Variants in KLHL1 observed in about 807,000 individuals in gnomAD.
The protein encoded by KLHL1 is kelch-like protein 1.
Under a neutral mutation model 77.7 loss-of-function variants are expected in KLHL1, and 47 were observed. That is an observed-to-expected ratio of 0.60 (90% confidence interval 0.48 to 0.77). KLHL1 has a LOEUF of 0.77. Among genes scored for constraint, KLHL1 ranks in the 30% least tolerant of loss-of-function variants. The pLI, the probability that KLHL1 is intolerant of heterozygous loss-of-function variation, is 0.00. For missense variants in KLHL1, 925 were observed against 910.8 expected, an observed-to-expected ratio of 1.02 and a Z score of -0.20; for synonymous variants, 360 against 325.2, an observed-to-expected ratio of 1.11 and a Z score of -1.15.
intron 1 of KLHL1, among the ~76,000 whole-genome samples, chr13:70,102,743 T>C (rs1457054692): frequency 6.6e-6 from 1 of 152,226 alleles, no homozygotes; most frequent in Admixed American, 6.5e-5. Context: ...ACCAGAGGGA[T>C]ACATAAATGT....
intron 5 of KLHL1, among the ~76,000 whole-genome samples, chr13:69,840,326 C>A (rs1351782751): frequency 6.6e-6 from 1 of 151,826 alleles, no homozygotes; most frequent in African/African-American, 2.4e-5. Flanking sequence ...CAGGTTCAAG[C>A]AATTCTCCTG....
chr13:69,897,621 C>T (rs1398339765), intron 4 of KLHL1, among the ~76,000 whole-genome samples: 3 of 152,112 alleles, frequency 2.0e-5, no homozygotes, highest in East Asian at 1.9e-4. Context: ...CTCCAGAGTG[C>T]GTTGACTACC....
At chr13:69,718,799 A>C (rs1266823711) in intron 9 of KLHL1, among the ~76,000 whole-genome samples, 1 of 152,150 alleles carries the variant, frequency 6.6e-6, no homozygotes, top group African/African-American at 2.4e-5. Context: ...GGTCAATTTT[A>C]GAAAGAGTTA....
At chr13:69,714,356 G>A (rs1439988938) in intron 9 of KLHL1, among the ~76,000 whole-genome samples, 1 of 152,038 alleles carries the variant, frequency 6.6e-6, no homozygotes, top group Non-Finnish European at 1.5e-5. Flanking sequence ...CCTTTCAGAT[G>A]CAGTTGTCAC....
chr13:69,870,351 C>T (rs1279087175), intron 5 of KLHL1, among the ~76,000 whole-genome samples: 1 of 152,044 alleles, frequency 6.6e-6, no homozygotes, highest in Non-Finnish European at 1.5e-5. Flanking sequence ...ATGAGGACAG[C>T]ACCCAGACAT....
intron 3 of KLHL1, among the ~76,000 whole-genome samples, chr13:69,959,270 C>T (rs1255140343): frequency 6.6e-6 from 1 of 151,968 alleles, no homozygotes; most frequent in Non-Finnish European, 1.5e-5. Flanking sequence ...TGCAAGACTG[C>T]CAGACCATGG....
intron 1 of KLHL1, among the ~76,000 whole-genome samples, chr13:70,019,805 C>A (rs558725805): frequency 6.6e-6 from 1 of 152,166 alleles, no homozygotes; most frequent in Admixed American, 6.5e-5. Flanking sequence ...GAATATGTCC[C>A]AAAATTAATG....
chr13:70,076,569 C>T (rs1191079250), intron 1 of KLHL1, among the ~76,000 whole-genome samples: 1 of 151,460 alleles, frequency 6.6e-6, no homozygotes, highest in Non-Finnish European at 1.5e-5. Context: ...GACAATGTGA[C>T]AATGAGTTTT....
chr13:70,075,356 T>C (rs2137423029), intron 1 of KLHL1, among the ~76,000 whole-genome samples: 1 of 151,442 alleles, frequency 6.6e-6, no homozygotes, highest in East Asian at 1.9e-4. Context: ...AAATAAAAGC[T>C]ATAAAAATTG....
chr13:70,015,881 G>A (rs1015116839), intron 1 of KLHL1, among the ~76,000 whole-genome samples: 1 of 152,086 alleles, frequency 6.6e-6, no homozygotes, highest in South Asian at 2.1e-4. Flanking sequence ...TAACATAACT[G>A]AATATATTTT....
At chr13:69,959,033 T>G (rs967913329) in intron 3 of KLHL1, among the ~76,000 whole-genome samples, 1 of 152,022 alleles carries the variant, frequency 6.6e-6, no homozygotes, top group African/African-American at 2.4e-5. Flanking sequence ...ACCTGATAAA[T>G]ATTTTCCTCA....
intron 7 of KLHL1, among the ~76,000 whole-genome samples, chr13:69,762,105 T>G (rs1875054727): frequency 6.6e-6 from 1 of 152,156 alleles, no homozygotes; most frequent in Non-Finnish European, 1.5e-5. Flanking sequence ...AGCTAAAAGG[T>G]TATCAGAAAA....
At chr13:69,809,314 T>A (rs2138059304) in intron 6 of KLHL1, among the ~76,000 whole-genome samples, 1 of 152,000 alleles carries the variant, frequency 6.6e-6, no homozygotes, top group Admixed American at 6.5e-5. Flanking sequence ...AGAAAAAGGG[T>A]CATATTACCT....
intron 1 of KLHL1, 139 bp downstream of exon 1, chr13:70,107,064 A>G: frequency 8.0e-7 from 1 of 1,252,764 alleles, no homozygotes; most frequent in Non-Finnish European, 1.1e-6. Flanking sequence ...TTAGAACTTG[A>G]GTAATCAAAA....
chr13:69,818,363 G>C (rs1369929282), intron 6 of KLHL1, among the ~76,000 whole-genome samples: 1 of 151,708 alleles, frequency 6.6e-6, no homozygotes, highest in Admixed American at 6.6e-5. Flanking sequence ...TGGGATTACA[G>C]GTGGGTGCCA....
chr13:69,741,551 T>C (rs942209422), intron 7 of KLHL1, among the ~76,000 whole-genome samples: 16 of 152,166 alleles, frequency 1.1e-4, no homozygotes, highest in African/African-American at 3.9e-4. Flanking sequence ...TTTTTGTTTC[T>C]GTTGCTGGTT....
At chr13:70,026,834 A>G (rs1885959655) in intron 1 of KLHL1, among the ~76,000 whole-genome samples, 1 of 148,584 alleles carries the variant, frequency 6.7e-6, no homozygotes, top group South Asian at 2.2e-4. Flanking sequence ...ATATAGTGAA[A>G]AGGGAAAACA....
intron 7 of KLHL1, among the ~76,000 whole-genome samples, chr13:69,768,751 C>G (rs1174701230): frequency 6.6e-6 from 1 of 152,000 alleles, no homozygotes; most frequent in Non-Finnish European, 1.5e-5. Context: ...TTATAGATTA[C>G]TAGTTATTTC....
chr13:69,802,158 T>C (rs560926165), intron 6 of KLHL1, among the ~76,000 whole-genome samples: 110 of 152,246 alleles, frequency 7.2e-4, no homozygotes, highest in African/African-American at 2.6e-3. Flanking sequence ...AGAATGATGG[T>C]TTCCAGCTTC....
Sources: allele counts gnomAD v4.1 joint callset (sites outside exome capture counted in the v4.1 genomes callset), GRCh38; gene constraint gnomAD v4.1.1; transcripts MANE v1.5; gene names NCBI Gene and HGNC (gene_info 2026-07-23, HGNC 2026-07-21).